Variants in WDPCP observed in about 807,000 individuals in gnomAD.
WDPCP encodes the protein WD repeat containing planar cell polarity effector.
Under a neutral mutation model 93.1 loss-of-function variants are expected in WDPCP, and 71 were observed. The observed-to-expected ratio is 0.76, with a 90% confidence interval of 0.63 to 0.93. The LOEUF (loss-of-function observed/expected upper bound fraction) is 0.93. Among genes scored for constraint, WDPCP ranks in the 40% least tolerant of loss-of-function variants. The pLI is 0.00. For missense variants in WDPCP, 844 were observed against 887.4 expected (o/e 0.95, Z 0.62); for synonymous variants, 315 against 315.0 (o/e 1.00, Z 0.00).
intron 13 of WDPCP, among the ~76,000 whole-genome samples, chr2:63,273,296 C>G (rs1682799327): frequency 6.6e-6 from 1 of 151,932 alleles, no homozygotes; most frequent in Non-Finnish European, 1.5e-5. Flanking sequence ...CATGAAAACA[C>G]ATAAAGTATA....
chr2:63,336,785 T>C (rs1688401124), intron 12 of WDPCP, among the ~76,000 whole-genome samples: 1 of 151,926 alleles, frequency 6.6e-6, no homozygotes, highest in Non-Finnish European at 1.5e-5. Flanking sequence ...ACGTGTACAG[T>C]TCAGTGCTAA....
upstream of WDPCP, chr2:63,589,076 C>T (rs1276624934): frequency 1.9e-6 from 3 of 1,614,158 alleles, no homozygotes; most frequent in South Asian, 2.2e-5. Flanking sequence ...TCCTGCCCAC[C>T]TCTGGCCCTC....
At chr2:63,176,597 GTTGTTT>G (rs1460457830) in intron 14 of WDPCP, among the ~76,000 whole-genome samples, 4 of 151,922 alleles carry the variant, frequency 2.6e-5, no homozygotes, top group Non-Finnish European at 5.9e-5. Context: ...TTTTAATTAG[GTTGTTT>G]TTGTTTTTAA....
intron 2 of WDPCP, among the ~76,000 whole-genome samples, chr2:63,776,980 G>A (rs114040396): frequency 0.012 from 1,867 of 152,260 alleles, 17 homozygotes; most frequent in Non-Finnish European, 0.015. Context: ...GAAAGACTGA[G>A]TAAGTTCTGG....
At chr2:63,589,830 T>G (rs1340279405), upstream of WDPCP, 6 of 213,072 alleles carry the variant, frequency 2.8e-5, no homozygotes, top group East Asian at 6.2e-4. Context: ...AGGAATAATC[T>G]GCGTACTGCT....
intron 2 of WDPCP, among the ~76,000 whole-genome samples, chr2:63,758,197 C>T (rs186127657): frequency 6.6e-6 from 1 of 151,738 alleles, no homozygotes. Context: ...ACTCAGCAGC[C>T]CAGCACCACT....
At chr2:63,173,154 G>A (rs1574795967) in intron 15 of WDPCP, among the ~76,000 whole-genome samples, 1 of 151,880 alleles carries the variant, frequency 6.6e-6, no homozygotes, top group Admixed American at 6.6e-5. Flanking sequence ...TGTAATCCCA[G>A]CTACTATGGA....
intron 2 of WDPCP, among the ~76,000 whole-genome samples, chr2:63,762,529 T>C (rs1670071011): frequency 6.6e-6 from 1 of 152,162 alleles, no homozygotes; most frequent in Admixed American, 6.5e-5. Context: ...CTGGGTAATT[T>C]ATAAGAATAT....
intron 13 of WDPCP, among the ~76,000 whole-genome samples, chr2:63,302,015 A>ATT (rs756952246): frequency 1.1e-4 from 16 of 152,216 alleles, no homozygotes; most frequent in Non-Finnish European, 1.8e-4. Context: ...CCCAAAAAGA[A>ATT]TATTTCTCCA....
chr2:63,234,811 C>T (rs1414285397), intron 14 of WDPCP, among the ~76,000 whole-genome samples: 1 of 152,052 alleles, frequency 6.6e-6, no homozygotes, highest in Non-Finnish European at 1.5e-5. Context: ...AAGAAATGCC[C>T]TCTTTGGCTC....
Position 63,657,649 on chromosome 2 carries a change from C to T in WDPCP, n.309-6811G>A, listed in dbSNP as rs17028080. The stretch of plus-strand genomic sequence containing the variant: ...TGTAGGTGGTGCAGGTGGTGGTAAG[C>T]GGGCGGATTTGAGATATACTGGCAT... On this transcript the variant is annotated intron_variant and non_coding_transcript_variant, in intron 2 of 4. Transcript: ENST00000467687. 9.8e-3 allele frequency among the ~76,000 whole-genome samples: 1,491 copies of T among 152,158 alleles called. 23 individuals carry two copies. The highest frequency in any genetic ancestry group is 0.033 in the African/African-American group (1,368 of 41,506).
intron 14 of WDPCP, among the ~76,000 whole-genome samples, chr2:63,253,228 T>C (rs1680885445): frequency 6.6e-6 from 1 of 152,036 alleles, no homozygotes; most frequent in African/African-American, 2.4e-5. Flanking sequence ...TATACAAAAA[T>C]TAACTTAAGA....
At chr2:63,517,049 C>T (rs1702600015) in intron 1 of WDPCP, among the ~76,000 whole-genome samples, 1 of 152,028 alleles carries the variant, frequency 6.6e-6, no homozygotes, top group Admixed American at 6.6e-5. Context: ...TCCTCTTTTC[C>T]CTTCTTGGCT....
In WDPCP at chr2:63,174,722, G is replaced by A; in HGVS notation, c.2026C>T (p.Pro676Ser). Residue 676 changes from proline to serine, a missense_variant, in exon 15 of 18, where the codon CCA becomes TCA. Pro to Ser is a moderately conservative substitution (Grantham distance 74). Transcript: ENST00000272321. The stretch of plus-strand genomic sequence containing the variant: ...TGTTGTAAAATATGTCTGTGGGTTG[G>A]GCAAGAGGGAGGGAGGTTATCTGGA... ...SFPDNLPPSC[P>S]THRHILQQRI... 1.2e-6 allele frequency: 2 copies of A among 1,613,988 alleles called. No homozygotes were observed. The highest frequency in any genetic ancestry group is 1.7e-5 in the Admixed American group (1 of 60,010).
At chr2:63,574,329 C>G (rs1384912693) in intron 1 of WDPCP, among the ~76,000 whole-genome samples, 1 of 152,072 alleles carries the variant, frequency 6.6e-6, no homozygotes, top group Non-Finnish European at 1.5e-5. Context: ...CTCAGACTGG[C>G]CGACACTTAG....
chr2:63,298,272 G>A (rs1685030573), intron 13 of WDPCP, among the ~76,000 whole-genome samples: 1 of 152,076 alleles, frequency 6.6e-6, no homozygotes, highest in African/African-American at 2.4e-5. Flanking sequence ...GTTATTTGAA[G>A]GGATCGGTTA....
chr2:63,693,411 T>C (rs550074291), intron 2 of WDPCP, among the ~76,000 whole-genome samples: 1 of 151,682 alleles, frequency 6.6e-6, no homozygotes, highest in Non-Finnish European at 1.5e-5. Flanking sequence ...AAAGAAAAGA[T>C]GGCTATAGAC....
chr2:63,670,741 C>G (rs916212486), intron 2 of WDPCP, among the ~76,000 whole-genome samples: 2 of 152,098 alleles, frequency 1.3e-5, no homozygotes, highest in African/African-American at 4.8e-5. Flanking sequence ...GGTCTGGGAC[C>G]TGGTCAGAAA....
Position 63,616,313 on chromosome 2 carries a change from T to C in WDPCP, n.488+34346A>G, listed in dbSNP as rs112431409. On this transcript the variant is annotated intron_variant and non_coding_transcript_variant, in intron 3 of 4. Coordinates refer to the WDPCP transcript ENST00000467687. Reference sequence around the variant, plus strand: ...ATTATAAATGGAAAAGCCTTGAGCCTGGAAAAAACTCCTCCTGTTTTAGGA... The same window carrying C: ...ATTATAAATGGAAAAGCCTTGAGCCCGGAAAAAACTCCTCCTGTTTTAGGA... 3.7e-3 allele frequency among the ~76,000 whole-genome samples: 563 copies of C among 152,150 alleles called. 3 individuals carry two copies. Among genetic ancestry groups the C allele is most frequent in the Non-Finnish European group, 5.5e-3 (377 of 68,004 alleles).
Sources: allele counts gnomAD v4.1 joint callset (sites outside exome capture counted in the v4.1 genomes callset), GRCh38; gene constraint gnomAD v4.1.1; transcripts MANE v1.5; gene names NCBI Gene and HGNC (gene_info 2026-07-23, HGNC 2026-07-21).